SEMA4B: variants seen among roughly 807,000 people sequenced by gnomAD.
SEMA4B encodes semaphorin-4B.
In SEMA4B, 55 loss-of-function variants were observed where a neutral mutation model predicts 88.1. The ratio of observed to expected loss-of-function variants is 0.62; its 90% CI spans 0.50 to 0.78. The LOEUF (loss-of-function observed/expected upper bound fraction) is 0.78. SEMA4B is among the 30% of genes least tolerant of loss of function. SEMA4B has a pLI of 0.00. For missense variants in SEMA4B, 1,062 were observed against 1,111.9 expected (o/e 0.96, Z 0.64); for synonymous variants, 525 against 473.6 (o/e 1.11, Z -1.41).
At chr15:90,226,814 T>C (rs984383440) in intron 12 of SEMA4B, among the ~76,000 whole-genome samples, 41 of 152,284 alleles carry the variant, frequency 2.7e-4, no homozygotes, top group African/African-American at 9.6e-4. Flanking sequence ...GTAGATGCTG[T>C]GATTTTTGTA....
chr15:90,217,931 A>G, intron 3 of SEMA4B, 102 bp downstream of exon 3: 3 of 984,506 alleles, frequency 3.0e-6, no homozygotes, highest in Non-Finnish European at 4.7e-6. Flanking sequence ...ACAGCCAGGT[A>G]TGGTGGGAAG....
At chr15:90,199,500 G>A (rs1364009752), upstream of SEMA4B, among the ~76,000 whole-genome samples, 1 of 151,956 alleles carries the variant, frequency 6.6e-6, no homozygotes, top group Non-Finnish European at 1.5e-5. Context: ...GGACATGTTG[G>A]GCTCGAGATG....
At chr15:90,219,736 G>A in intron 3 of SEMA4B, 57 bp from the exon 4 acceptor site, 1 of 1,392,158 alleles carries the variant, frequency 7.2e-7, no homozygotes, top group South Asian at 1.2e-5. Context: ...GCTCGGCGGT[G>A]CCCCCTGGTG....
intron 1 of SEMA4B, among the ~76,000 whole-genome samples, chr15:90,215,850 T>C (rs1961508796): frequency 6.6e-6 from 1 of 151,966 alleles, no homozygotes; most frequent in Admixed American, 6.5e-5. Flanking sequence ...TACATGCACG[T>C]ATATATATAT....
intron 1 of SEMA4B, among the ~76,000 whole-genome samples, chr15:90,189,614 G>T (rs1177854863): frequency 6.6e-6 from 1 of 151,922 alleles, no homozygotes; most frequent in Non-Finnish European, 1.5e-5. Flanking sequence ...TCATGTCAAG[G>T]TTATATAACT....
intron 1 of SEMA4B, among the ~76,000 whole-genome samples, chr15:90,213,521 C>T (rs1351484449): frequency 6.6e-6 from 1 of 152,236 alleles, no homozygotes; most frequent in Non-Finnish European, 1.5e-5. Flanking sequence ...CAGGGACTGG[C>T]TGGTCTATAG....
intron 1 of SEMA4B, among the ~76,000 whole-genome samples, chr15:90,207,861 C>CT (rs1567049611): frequency 1.3e-5 from 2 of 152,338 alleles, no homozygotes; most frequent in South Asian, 2.1e-4. Flanking sequence ...ACACAGGAGA[C>CT]TGAGGCACAC....
upstream of SEMA4B, among the ~76,000 whole-genome samples, chr15:90,198,797 A>G (rs1472805536): frequency 6.6e-6 from 1 of 152,196 alleles, no homozygotes; most frequent in Non-Finnish European, 1.5e-5. Flanking sequence ...ACTCCAAGTA[A>G]GGTCATTGTG....
chr15:90,204,356 C>A (rs1433226850), intron 1 of SEMA4B, among the ~76,000 whole-genome samples: 1 of 152,204 alleles, frequency 6.6e-6, no homozygotes, highest in East Asian at 1.9e-4. Flanking sequence ...AAACAAAATC[C>A]CTTGAAGTGG....
At chr15:90,197,678 C>G (rs1214189211), upstream of SEMA4B, among the ~76,000 whole-genome samples, 1 of 151,818 alleles carries the variant, frequency 6.6e-6, no homozygotes, top group African/African-American at 2.4e-5. Context: ...ACCTCATGAT[C>G]CGCGCACCTC....
chr15:90,206,278 A>G (rs1253502530), intron 1 of SEMA4B, among the ~76,000 whole-genome samples: 2 of 152,214 alleles, frequency 1.3e-5, no homozygotes, highest in Non-Finnish European at 2.9e-5. Flanking sequence ...TCGGGGCAAC[A>G]GGAACAACAC....
intron 13 of SEMA4B, 102 bp from the exon 14 acceptor site, chr15:90,227,802 T>G: frequency 6.5e-7 from 1 of 1,549,532 alleles, no homozygotes; most frequent in Non-Finnish European, 8.7e-7. Flanking sequence ...TCCCCGGAGT[T>G]GCCCATCGTG....
At chr15:90,193,357 A>G (rs1227342410) in intron 1 of SEMA4B, 1 of 152,200 alleles carries the variant, frequency 6.6e-6, no homozygotes, top group Non-Finnish European at 1.5e-5. Flanking sequence ...GCAAAGACCA[A>G]AGCTGCTGTG....
chr15:90,223,120 C>T (rs1422210585), intron 7 of SEMA4B, among the ~76,000 whole-genome samples: 1 of 152,002 alleles, frequency 6.6e-6, no homozygotes, highest in Non-Finnish European at 1.5e-5. Flanking sequence ...CATGCACCAC[C>T]ATGCCCAGCT....
chr15:90,200,023 G>A (rs1169823183), upstream of SEMA4B, among the ~76,000 whole-genome samples: 1 of 152,192 alleles, frequency 6.6e-6, no homozygotes, highest in African/African-American at 2.4e-5. Context: ...AGTTCTGGGA[G>A]CCCCTTTAAA....
chr15:90,228,205 T>A lies in SEMA4B; in HGVS notation c.2076T>A (p.Ile692=). ...ATGAGGGTGGCAGTGTACCCGTCAT[T>A]ATCAGCACATCGCGTGTGAGTGCAC... ...QTDEGGSVPV[I]ISTSRVSAPA... Residue 692 remains isoleucine, a synonymous_variant, in exon 14 of 14, where the codon ATT becomes ATA. Coordinates refer to ENST00000411539, the MANE Select transcript of SEMA4B (RefSeq NM_198925.4). The A allele has an allele frequency of 6.2e-7, 1 of 1,610,334 alleles. No individual in the cohort carries two copies. Among genetic ancestry groups the A allele is most frequent in the Non-Finnish European group, 8.5e-7 (1 of 1,178,140 alleles).
intron 1 of SEMA4B, among the ~76,000 whole-genome samples, chr15:90,186,828 G>A (rs1371307173): frequency 6.6e-6 from 1 of 152,026 alleles, no homozygotes. Context: ...AGCTACTCGC[G>A]AGGCTGAGAC....
intron 1 of SEMA4B, among the ~76,000 whole-genome samples, chr15:90,213,509 A>G (rs1028362436): frequency 2.6e-5 from 4 of 152,228 alleles, no homozygotes; most frequent in African/African-American, 9.6e-5. Context: ...CCTGGGCTGA[A>G]CCAGGGACTG....
chr15:90,219,735 T>C, intron 3 of SEMA4B, 58 bp from the exon 4 acceptor site: 1 of 1,359,232 alleles, frequency 7.4e-7, no homozygotes, highest in Non-Finnish European at 1.0e-6. Flanking sequence ...GGCTCGGCGG[T>C]GCCCCCTGGT....
Sources: allele counts gnomAD v4.1 joint callset (sites outside exome capture counted in the v4.1 genomes callset), GRCh38; gene constraint gnomAD v4.1.1; transcripts MANE v1.5; gene names NCBI Gene and HGNC (gene_info 2026-07-23, HGNC 2026-07-21).